ACAN: variants seen among roughly 807,000 people sequenced by gnomAD.
ACAN encodes aggrecan core protein.
A neutral mutation model predicts 169.1 loss-of-function variants in ACAN; 47 were observed. The observed-to-expected ratio is 0.28, with a 90% confidence interval of 0.22 to 0.35. The LOEUF (loss-of-function observed/expected upper bound fraction) is 0.35. ACAN is among the 10% of genes least tolerant of loss of function. The pLI, the probability that ACAN is intolerant of heterozygous loss-of-function variation, is 1.00. For missense variants in ACAN, 2,716 were observed against 2,759.9 expected (o/e 0.98, Z 0.36); for synonymous variants, 1,115 against 1,112.2 (o/e 1.00, Z -0.05).
rs748666817 is a variant in ACAN, at chr15:88,857,806, G to A, written c.5221G>A (p.Gly1741Arg). Residue 1741 changes from glycine (G) to arginine (R), a missense_variant, in exon 12 of 19, where the codon GGG becomes AGG. By Grantham distance (125) the Gly-to-Arg change is moderately radical (BLOSUM62 -2). Coordinates refer to ENST00000560601, the MANE Select transcript of ACAN (RefSeq NM_001369268.1). ...GLFGVSGQPS[G>R]FPDTSGETSG... ...CTTTGGTGTCAGTGGACAGCCATCA[G>A]GGTTTCCTGACACTAGTGGGGAAAC... is the stretch of plus-strand genomic sequence containing the variant. 7.4e-6 allele frequency: 12 copies of A among 1,613,952 alleles called. No homozygotes were observed. Among genetic ancestry groups the A allele is most frequent in the East Asian group, 2.2e-5 (1 of 44,886 alleles).
At chr15:88,837,287 A>G (rs2141559452) in intron 2 of ACAN, among the ~76,000 whole-genome samples, 1 of 152,292 alleles carries the variant, frequency 6.6e-6, no homozygotes, top group Admixed American at 6.5e-5. Context: ...CCAGCTCCCC[A>G]TGCTCCCACC....
rs374054602 is a variant in ACAN, at chr15:88,843,684, C to A, written c.1051+36C>A. The A allele has an allele frequency of 5.9e-6, 9 of 1,535,240 alleles. No homozygotes were observed. Among genetic ancestry groups the A allele is most frequent in the African/African-American group, 1.4e-5 (1 of 73,338 alleles). On this transcript the variant is annotated intron_variant, in intron 6 of 18. Coordinates refer to ENST00000560601, the MANE Select transcript of ACAN (RefSeq NM_001369268.1). The surrounding 1 kb of genome is among the most constrained non-coding windows in gnomAD (Gnocchi z 4.0). ...GCTGGTGGTGGGAAGGGAGTTCATGCCACTAAAATGGGGTCCTAGAGGGAA... is the reference window on the plus strand; with the variant it reads ...GCTGGTGGTGGGAAGGGAGTTCATGACACTAAAATGGGGTCCTAGAGGGAA...
rs551998328 is a variant in ACAN, at chr15:88,871,536, C to T, written c.7215C>T (p.Val2405=). The change falls in exon 15 of 19, where the codon GTC becomes GTT. Residue 2405 remains valine (V), a synonymous_variant. Coordinates refer to ENST00000560601, the MANE Select transcript of ACAN (RefSeq NM_001369268.1). This position sits in a 1 kb window ranked among gnomAD's most constrained non-coding sequence, Gnocchi z 7.8. ...TCACCCCCGAGGAGCAGGAGTTTGTCAACAGTGAGTGCGGCGGGGCCTCTG... is the reference window on the plus strand; with the variant it reads ...TCACCCCCGAGGAGCAGGAGTTTGTTAACAGTGAGTGCGGCGGGGCCTCTG... ...SIVTPEEQEF[V]NNNAQDYQWI... is the part of the protein sequence containing the mutation. 1 of 1,612,482 alleles carries T rather than the reference C, an allele frequency of 6.2e-7. No individual in the cohort carries two copies. Among genetic ancestry groups the T allele is most frequent in the Admixed American group, 1.7e-5 (1 of 59,908 alleles).
intron 1 of ACAN, among the ~76,000 whole-genome samples, chr15:88,804,351 C>T (rs1241810194): frequency 6.6e-6 from 1 of 152,172 alleles, no homozygotes; most frequent in Non-Finnish European, 1.5e-5. Flanking sequence ...GCTAGATAGT[C>T]CATCCTTGGC....
In ACAN at chr15:88,873,103, C is replaced by T. The variant is rs1002551273; in HGVS notation, c.7447+78C>T. ...TACAGGTGAGGCTCTTGCTGTGTGG[C>T]CTGGGGTGAGTCCCTTGTCTTCTGG... On this transcript the variant is annotated intron_variant, in intron 17 of 18. Coordinates refer to ENST00000560601, the MANE Select transcript of ACAN (RefSeq NM_001369268.1). This position sits in a 1 kb window ranked among gnomAD's most constrained non-coding sequence, Gnocchi z 7.5. The T allele has an allele frequency of 4.6e-6, 7 of 1,519,996 alleles. No individual in the cohort carries two copies. In the African/African-American group the frequency reaches 8.2e-5, roughly 18 times the overall value. 94.2% of individuals were successfully genotyped at this position (1,519,996 alleles called of 1,614,324 possible). A position where few individuals can be genotyped will look rare whatever the true frequency, so the allele number is the denominator to read the frequency against.
intron 1 of ACAN, among the ~76,000 whole-genome samples, chr15:88,820,083 G>A (rs773741164): frequency 3.3e-5 from 5 of 152,306 alleles, no homozygotes; most frequent in Middle Eastern, 6.8e-3. Context: ...AGCATTAAAC[G>A]AGATGAGGCT....
chr15:88,861,649 C>T lies in ACAN; in HGVS notation c.6946+1210C>T, dbSNP rs8042108. Among the ~76,000 whole-genome samples, 29,172 of 152,022 alleles carry T rather than the reference C, an allele frequency of 0.19. 4,789 individuals are homozygous for T. Among genetic ancestry groups the T allele is most frequent in the African/African-American group, 0.44 (18,393 of 41,364 alleles). Reference sequence around the variant, plus strand: ...CTATCCTGGGAAGGTCCCGGGCTTACTGCAGAAGGGGACAGCATTTCCACT... The same window carrying T: ...CTATCCTGGGAAGGTCCCGGGCTTATTGCAGAAGGGGACAGCATTTCCACT... On this transcript the variant is annotated intron_variant, in intron 13 of 18. Transcript: ENST00000560601. The surrounding 1 kb of genome is among the most constrained non-coding windows in gnomAD (Gnocchi z 6.3).
chr15:88,840,322 TG>T, intron 4 of ACAN, 136 bp downstream of exon 4: 1 of 1,118,972 alleles, frequency 8.9e-7, no homozygotes, highest in Non-Finnish European at 1.2e-6. Context: ...TTAGAGGCCG[TG>T]GTCACACCTT....
At chr15:88,833,281 A>G (rs1896411232) in intron 1 of ACAN, among the ~76,000 whole-genome samples, 1 of 152,214 alleles carries the variant, frequency 6.6e-6, no homozygotes, top group African/African-American at 2.4e-5. Context: ...AAATCTCCAC[A>G]TAATGCTCTC....
chr15:88,839,949 C>A lies in ACAN; in HGVS notation c.455-63C>A. 1 of 1,542,560 alleles carries A rather than the reference C, an allele frequency of 6.5e-7. No homozygotes were observed. The highest frequency in any genetic ancestry group is 8.8e-7 in the Non-Finnish European group (1 of 1,138,250). ...ACTATTGCCATAATTCTGCGAGGGC[C>A]TCGGTGATCAGAGACTGTGCCTGAC... On this transcript the variant is annotated intron_variant, in intron 3 of 18. Coordinates refer to ENST00000560601, the MANE Select transcript of ACAN (RefSeq NM_001369268.1). The surrounding 1 kb of genome is among the most constrained non-coding windows in gnomAD (Gnocchi z 4.5).
intron 1 of ACAN, among the ~76,000 whole-genome samples, chr15:88,819,774 AT>A (rs999024330): frequency 2.6e-5 from 4 of 151,910 alleles, no homozygotes; most frequent in African/African-American, 4.8e-5. Context: ...TCTAAAAAAC[AT>A]TTTTTTAATT....
intron 11 of ACAN, among the ~76,000 whole-genome samples, chr15:88,852,853 TAG>T (rs2141597809): frequency 1.3e-5 from 2 of 152,330 alleles, no homozygotes; most frequent in African/African-American, 4.8e-5. Context: ...GTATACCTGG[TAG>T]AGTCAGTTTC....
Position 88,857,185 on chromosome 15 carries a change from G to C in ACAN, c.4600G>C (p.Val1534Leu), listed in dbSNP as rs752999140. The C allele has an allele frequency of 8.7e-6, 14 of 1,613,740 alleles. No individual in the cohort carries two copies. The highest frequency in any genetic ancestry group is 1.3e-5 in the African/African-American group (1 of 74,928). The change falls in exon 12 of 19, where the codon GTT becomes CTT. Residue 1534 changes from valine (V) to leucine (L), a missense_variant. Val to Leu is a conservative substitution (Grantham distance 32). Coordinates refer to ENST00000560601, the MANE Select transcript of ACAN (RefSeq NM_001369268.1). The part of the protein sequence containing the change: ...DLSRLPSGEE[V>L]LEISASGFGD... ...CAGCAGGCTCCCTTCTGGAGAAGAA[G>C]TTCTAGAGATTTCTGCCTCTGGATT...
chr15:88,874,337 G>T lies in ACAN; in HGVS notation c.7631-68G>T. The T allele has an allele frequency of 7.0e-7, 1 of 1,433,304 alleles. No homozygotes were observed. The highest frequency in any genetic ancestry group is 9.6e-7 in the Non-Finnish European group (1 of 1,040,098). 88.8% of individuals were successfully genotyped at this position (1,433,304 alleles called of 1,614,324 possible). ...CACAAGGGAGAGAGGGTAGTCTGGG[G>T]AGAGCCTGGGCTCGCCCCACTTTCT... On this transcript the variant is annotated intron_variant, in intron 18 of 18. Transcript: ENST00000560601. This position sits in a 1 kb window ranked among gnomAD's most constrained non-coding sequence, Gnocchi z 7.3.
chr15:88,828,251 G>A (rs1188683161), intron 1 of ACAN, among the ~76,000 whole-genome samples: 2 of 152,132 alleles, frequency 1.3e-5, no homozygotes, highest in South Asian at 4.2e-4. Flanking sequence ...AGAAGGGAGT[G>A]AAAGGACAGG....
intron 4 of ACAN, 80 bp from the exon 5 acceptor site, chr15:88,841,660 G>A (rs2141571596): frequency 2.6e-6 from 4 of 1,559,854 alleles, no homozygotes; most frequent in South Asian, 1.1e-5. Context: ...TTCCTCCCAC[G>A]GGAGGAGGAT....
At chr15:88,830,076 G>A (rs1021974004) in intron 1 of ACAN, among the ~76,000 whole-genome samples, 2 of 152,032 alleles carry the variant, frequency 1.3e-5, no homozygotes, top group African/African-American at 4.8e-5. Context: ...CGTTCACGTA[G>A]CCAGCAAACA....
chr15:88,822,211 G>A (rs1161611051), intron 1 of ACAN, among the ~76,000 whole-genome samples: 1 of 152,210 alleles, frequency 6.6e-6, no homozygotes, highest in Non-Finnish European at 1.5e-5. Context: ...CATCCAGCAT[G>A]GCCCAAGCCT....
rs780000533 is a variant in ACAN at position 88,858,334 on chromosome 15, C to T, written c.5749C>T (p.Leu1917=). 2 of 1,613,972 alleles carry T rather than the reference C, an allele frequency of 1.2e-6. No homozygotes were observed. The highest frequency in any genetic ancestry group is 1.3e-5 in the African/African-American group (1 of 75,050). The part of the protein sequence containing the change: ...ESSRAEIGSS[L]PSGAYYGSGT... ...CTCCAGAGCTGAGATTGGGAGCAGCCTGCCCTCGGGAGCATATTATGGCAG... is the reference window on the plus strand; with the variant it reads ...CTCCAGAGCTGAGATTGGGAGCAGCTTGCCCTCGGGAGCATATTATGGCAG... Residue 1917 remains leucine (L), a synonymous_variant, in exon 12 of 19, where the codon CTG becomes TTG. Coordinates refer to ENST00000560601, the MANE Select transcript of ACAN (RefSeq NM_001369268.1). The surrounding 1 kb of genome is among the most constrained non-coding windows in gnomAD (Gnocchi z 4.0).
Sources: gnomAD v4.1 joint callset for allele counts (sites outside exome capture counted in the v4.1 genomes callset) on GRCh38, gnomAD v4.1.1 for gene constraint, Gnocchi (gnomAD v3.1) non-coding constraint, MANE v1.5 for transcripts, NCBI Gene and HGNC (gene_info 2026-07-23, HGNC 2026-07-21) for gene names.